Variants in TNRC6B observed in about 807,000 individuals in gnomAD.
TNRC6B encodes trinucleotide repeat containing adaptor 6B.
Under a neutral mutation model 203.6 loss-of-function variants are expected in TNRC6B, and 52 were observed. The ratio of observed to expected loss-of-function variants is 0.26; its 90% confidence interval spans 0.20 to 0.32. The LOEUF (loss-of-function observed/expected upper bound fraction) is 0.32. Ranked by LOEUF, TNRC6B falls within the 10% of genes least tolerant of loss-of-function variation. The probability of loss-of-function intolerance (pLI) is 1.00; values close to 1 mark genes in which losing one functional copy is unlikely to be tolerated. For synonymous variants in TNRC6B, 838 were observed against 845.7 expected (o/e 0.99, Z 0.16); for missense variants, 1,923 against 2,286.2 (o/e 0.84, Z 3.24).
At chr22:40,112,717 C>G (rs2068350163) in intron 1 of TNRC6B, among the ~76,000 whole-genome samples, 1 of 152,182 alleles carries the variant, frequency 6.6e-6, no homozygotes, top group South Asian at 2.1e-4. Flanking sequence ...TGAATAGTAT[C>G]TGTTGCATTG....
chr22:40,290,595 C>T (rs1000830501), intron 12 of TNRC6B, among the ~76,000 whole-genome samples: 2 of 152,216 alleles, frequency 1.3e-5, no homozygotes, highest in Non-Finnish European at 2.9e-5. Flanking sequence ...CAGCTCTCTG[C>T]TTCTCTGCCA....
intron 12 of TNRC6B, among the ~76,000 whole-genome samples, chr22:40,299,559 T>G (rs929512407): frequency 1.3e-5 from 2 of 152,048 alleles, no homozygotes; most frequent in East Asian, 3.9e-4. Flanking sequence ...TTTTTAACCT[T>G]TTTATTTTTT....
chr22:40,208,062 T>C (rs1240182882), intron 1 of TNRC6B, among the ~76,000 whole-genome samples: 2 of 141,268 alleles, frequency 1.4e-5, no homozygotes, highest in Non-Finnish European at 3.0e-5. Flanking sequence ...TGCAGTGAGC[T>C]GAGATGCGCC....
In TNRC6B at chr22:40,277,990, A is replaced by G. The variant is rs759369888; in HGVS notation, c.3217-9A>G. ...CTTAATTCTCTCTCATCTGTTCTTT[A>G]TTTTCCAGAGTCAGACTGAAGATAA... On this transcript the variant is annotated splice_polypyrimidine_tract_variant and intron_variant, in intron 8 of 22. Transcript: ENST00000454349. 6.4e-7 allele frequency: 1 copy of G among 1,552,632 alleles called. No individual in the cohort carries two copies. Among genetic ancestry groups the G allele is most frequent in the Non-Finnish European group, 8.7e-7 (1 of 1,144,122 alleles).
At chr22:40,060,006 T>C (rs1020159422) in intron 1 of TNRC6B, among the ~76,000 whole-genome samples, 3 of 151,782 alleles carry the variant, frequency 2.0e-5, no homozygotes, top group African/African-American at 7.3e-5. Flanking sequence ...GTATTTTTAG[T>C]AGAGATGGGA....
At chr22:40,160,809 A>G (rs1407289919) in intron 4 of TNRC6B, among the ~76,000 whole-genome samples, 2 of 151,976 alleles carry the variant, frequency 1.3e-5, no homozygotes, top group Admixed American at 6.6e-5. Context: ...GGCTCAAGCA[A>G]TCCTCCCACC....
At chr22:40,098,031 A>C (rs539903714) in intron 1 of TNRC6B, among the ~76,000 whole-genome samples, 1 of 152,028 alleles carries the variant, frequency 6.6e-6, no homozygotes, top group East Asian at 1.9e-4. Context: ...ACTTTAAATA[A>C]ATACATTTGT....
intron 1 of TNRC6B, among the ~76,000 whole-genome samples, chr22:40,185,548 G>A (rs896578384): frequency 1.3e-5 from 2 of 152,188 alleles, no homozygotes; most frequent in Admixed American, 6.5e-5. Context: ...TACAGATTGG[G>A]CAGAATGGTG....
At chr22:40,049,209 A>T (rs1179200886) in intron 1 of TNRC6B, among the ~76,000 whole-genome samples, 1 of 152,018 alleles carries the variant, frequency 6.6e-6, no homozygotes, top group East Asian at 2.0e-4. Context: ...TGTGTTAGCC[A>T]GGATGGTCTC....
intron 3 of TNRC6B, among the ~76,000 whole-genome samples, chr22:40,136,180 A>C (rs1011791194): frequency 6.6e-6 from 1 of 152,206 alleles, no homozygotes; most frequent in Non-Finnish European, 1.5e-5. Flanking sequence ...TCTCACTTTA[A>C]ATGTAATGTA....
Position 40,323,020 on chromosome 22 carries a change from C to A in TNRC6B, c.5281C>A (p.Pro1761Thr). The A allele has an allele frequency of 6.2e-7, 1 of 1,604,592 alleles. No individual in the cohort carries two copies. Among genetic ancestry groups the A allele is most frequent in the Non-Finnish European group, 8.5e-7 (1 of 1,175,228 alleles). ...TGQNQSDPVG[P>T]ALNLFGGSTG... ...CCAGAACCAGTCAGATCCCGTGGGA[C>A]CTGCTCTGAATCTTTTTGGTGGGTC... Residue 1761 changes from proline (P) to threonine (T), a missense_variant, in exon 23 of 23, where the codon CCT becomes ACT. This residue lies in a region of TNRC6B where 126 missense variants were observed against 137.5 expected (regional missense o/e 0.92). Transcript: ENST00000454349.
chr22:40,057,478 A>C (rs113235895), intron 1 of TNRC6B, among the ~76,000 whole-genome samples: 1,793 of 152,012 alleles, frequency 0.012, 36 homozygotes, highest in African/African-American at 0.041. Flanking sequence ...TTTTTAGTAG[A>C]GACAGGATTT....
chr22:40,223,174 T>C (rs1435920142), intron 1 of TNRC6B, among the ~76,000 whole-genome samples: 6 of 151,974 alleles, frequency 3.9e-5, no homozygotes, highest in African/African-American at 9.7e-5. Context: ...GGAGTTTTGC[T>C]CTGTTGCCCA....
intron 1 of TNRC6B, chr22:40,106,535 C>T (rs2068284965): frequency 1.4e-6 from 1 of 734,908 alleles, no homozygotes; most frequent in Non-Finnish European, 2.5e-6. Context: ...ACCAAGAGAT[C>T]GAGCAATCAA....
Position 40,264,726 on chromosome 22 carries a change from A to C in TNRC6B, c.496A>C (p.Asn166His), listed in dbSNP as rs780746701. The C allele has an allele frequency of 2.5e-6, 4 of 1,605,642 alleles. No individual in the cohort carries two copies. Among genetic ancestry groups the C allele is most frequent in the East Asian group, 2.2e-5 (1 of 44,742 alleles). Reference protein sequence around the residue: ...LGGAAASNYANSTWGSGASSN... With the variant: ...LGGAAASNYAHSTWGSGASSN... ...AGGTGCTGCTGCTTCAAATTATGCA[A>C]ATTCCACTTGGGGCTCGGGAGCCTC... is the stretch of plus-strand genomic sequence containing the variant. The change falls in exon 5 of 23, where the codon AAT (asparagine) becomes CAT (histidine). Residue 166 changes from asparagine to histidine, a missense_variant. Coordinates refer to ENST00000454349, the MANE Select transcript of TNRC6B (RefSeq NM_001162501.2).
chr22:40,109,859 T>A (rs6001773), intron 1 of TNRC6B, among the ~76,000 whole-genome samples: 57,851 of 152,052 alleles, frequency 0.38, 16,639 homozygotes, highest in African/African-American at 0.81. Context: ...CTCCTTATAT[T>A]TAGTGTAAGG....
chr22:40,222,045 G>T (rs1472161424), intron 1 of TNRC6B, among the ~76,000 whole-genome samples: 2 of 152,158 alleles, frequency 1.3e-5, no homozygotes, highest in Non-Finnish European at 2.9e-5. Flanking sequence ...CCCGGGAAAA[G>T]TGGAGACCAA....
In TNRC6B at chr22:40,334,180, C is replaced by T. The variant is rs1293457365; in HGVS notation, c.*10939C>T. 6.5e-6 allele frequency: 1 copy of T among 152,798 alleles called. No homozygotes were observed. The highest frequency in any genetic ancestry group is 1.9e-4 in the East Asian group (1 of 5,204). 9.5% of individuals were successfully genotyped at this position (152,798 alleles called of 1,614,324 possible). A position where few individuals can be genotyped will look rare whatever the true frequency, so the allele number is the denominator to read the frequency against. On this transcript the variant is annotated 3_prime_UTR_variant, in exon 23 of 23. Coordinates refer to ENST00000454349, the MANE Select transcript of TNRC6B (RefSeq NM_001162501.2). ...CCAAAGGGCTTTGCTGATCTCTGCA[C>T]TTCTTTCCTGGGACACTCCCCCCAC...
chr22:40,149,655 C>T (rs1156576767), intron 3 of TNRC6B, among the ~76,000 whole-genome samples: 2 of 127,518 alleles, frequency 1.6e-5, no homozygotes, highest in Admixed American at 1.0e-4. Context: ...GGCAACAGAG[C>T]GAGACTCCGT....
Sources: gnomAD v4.1 joint callset for allele counts (sites outside exome capture counted in the v4.1 genomes callset) on GRCh38, gnomAD v4.1.1 for gene constraint, gnomAD v4.1.1 regional missense constraint, MANE v1.5 for transcripts, NCBI Gene and HGNC (gene_info 2026-07-23, HGNC 2026-07-21) for gene names.